The following TTLL11 variants were observed in gnomAD, a reference collection of about 807,000 sequenced individuals.
TTLL11 encodes tubulin polyglutamylase TTLL11.
Under a neutral mutation model 51.7 loss-of-function variants are expected in TTLL11, and 42 were observed. The ratio of observed to expected loss-of-function variants is 0.81; its 90% CI spans 0.64 to 1.05. The LOEUF is 1.05. Among genes scored for constraint, TTLL11 ranks in the 50% least tolerant of loss-of-function variants. The probability of loss-of-function intolerance (pLI) is 0.00; values close to 1 mark genes in which losing one functional copy is unlikely to be tolerated. For synonymous variants in TTLL11, 381 were observed against 383.5 expected (o/e 0.99, Z 0.08); for missense variants, 799 against 940.4 (o/e 0.85, Z 1.97).
chr9:122,029,083 G>A (rs898344572), intron 3 of TTLL11, among the ~76,000 whole-genome samples: 3 of 152,158 alleles, frequency 2.0e-5, no homozygotes, highest in African/African-American at 7.2e-5. Flanking sequence ...GTAGCACAGT[G>A]CATTACTCAT....
At chr9:121,871,654 T>C (rs1838361749) in intron 6 of TTLL11, among the ~76,000 whole-genome samples, 1 of 152,202 alleles carries the variant, frequency 6.6e-6, no homozygotes, top group Non-Finnish European at 1.5e-5. Flanking sequence ...AGTCACTTAC[T>C]TGCTAAAACC....
intron 1 of TTLL11, among the ~76,000 whole-genome samples, chr9:122,052,294 A>G (rs1006243329): frequency 1.3e-5 from 2 of 152,054 alleles, no homozygotes; most frequent in Non-Finnish European, 2.9e-5. Context: ...TTCCAGGCTC[A>G]CTCTTGCCTA....
intron 6 of TTLL11, among the ~76,000 whole-genome samples, chr9:121,909,703 AT>A (rs1329489708): frequency 3.9e-5 from 6 of 152,196 alleles, no homozygotes; most frequent in African/African-American, 1.4e-4. Flanking sequence ...TGGTGGAGGC[AT>A]CATGCACACA....
intron 6 of TTLL11, among the ~76,000 whole-genome samples, chr9:121,947,768 G>C (rs1471631636): frequency 6.6e-6 from 1 of 152,144 alleles, no homozygotes; most frequent in Non-Finnish European, 1.5e-5. Context: ...AGAATAACAA[G>C]AGAGACTAAC....
chr9:121,893,152 T>A (rs993234674), intron 6 of TTLL11, among the ~76,000 whole-genome samples: 48 of 152,210 alleles, frequency 3.2e-4, no homozygotes, highest in Admixed American at 6.6e-5. Context: ...TGCCTTTAAG[T>A]TTATTTCCTA....
intron 6 of TTLL11, among the ~76,000 whole-genome samples, chr9:121,873,640 C>T (rs115278467): frequency 6.7e-5 from 3 of 44,656 alleles, no homozygotes; most frequent in African/African-American, 1.9e-4. Flanking sequence ...CCTCCTCCTC[C>T]TCTCTTCTTC....
chr9:121,942,463 G>A (rs1241250396), intron 6 of TTLL11, among the ~76,000 whole-genome samples: 2 of 152,180 alleles, frequency 1.3e-5, no homozygotes, highest in African/African-American at 2.4e-5. Context: ...GTTTGAAAGC[G>A]GGGACCTCGC....
At chr9:121,978,892 A>G (rs936222724) in intron 4 of TTLL11, among the ~76,000 whole-genome samples, 1 of 152,132 alleles carries the variant, frequency 6.6e-6, no homozygotes, top group African/African-American at 2.4e-5. Flanking sequence ...AGCGTATCCA[A>G]ACTCACTCTG....
chr9:121,934,163 G>A (rs1037982627), intron 6 of TTLL11, among the ~76,000 whole-genome samples: 1 of 151,986 alleles, frequency 6.6e-6, no homozygotes, highest in African/African-American at 2.4e-5. Flanking sequence ...AACCCGGGAG[G>A]TGGAGGTTAT....
intron 6 of TTLL11, among the ~76,000 whole-genome samples, chr9:121,919,090 A>G (rs868374926): frequency 2.0e-5 from 3 of 152,236 alleles, no homozygotes; most frequent in Non-Finnish European, 2.9e-5. Context: ...TGAATTATGC[A>G]CTATGAATAG....
chr9:121,822,809 A>T lies in TTLL11; in HGVS notation c.1911T>A (p.Leu637=). ...CAATCAGTGAGGCCACCTGCTCATGAAGTGGCAGCATCTTGAACTTCCTCT... is the reference window on the plus strand; with the variant it reads ...CAATCAGTGAGGCCACCTGCTCATGTAGTGGCAGCATCTTGAACTTCCTCT... The part of the protein sequence containing the change: ...LAQRKFKMLP[L]HEQVASLIDL... Residue 637 remains leucine, a synonymous_variant, in exon 9 of 9, where the codon CTT becomes CTA. Transcript: ENST00000321582. The surrounding 1 kb of genome is among the most constrained non-coding windows in gnomAD (Gnocchi z 5.8). The T allele has an allele frequency of 6.4e-7, 1 of 1,551,696 alleles. No homozygotes were observed. The highest frequency in any genetic ancestry group is 8.7e-7 in the Non-Finnish European group (1 of 1,146,982).
chr9:121,896,011 T>C (rs1318002680), intron 6 of TTLL11, among the ~76,000 whole-genome samples: 1 of 137,752 alleles, frequency 7.3e-6, no homozygotes, highest in Non-Finnish European at 1.6e-5. Flanking sequence ...TGTGTATGTG[T>C]GGTTGTGTGT....
intron 3 of TTLL11, among the ~76,000 whole-genome samples, chr9:121,994,393 T>G (rs371673399): frequency 1.3e-5 from 2 of 152,286 alleles, no homozygotes; most frequent in African/African-American, 4.8e-5. Flanking sequence ...AATAATAACA[T>G]TAGCACACGC....
At position 121,816,646 on chromosome 9, in the gene TTLL11, A is replaced by ATGCGTGTGTGTGCATGTG. The variant is rs111242748; in HGVS notation, c.*5923_*5940dup. ...GTGCATGTGTGGTGTGTGCGCGCAC[A>ATGCGTGTGTGTGCATGTG]TGCGTGTGTGTGCATGTGTGCGTGT... is the stretch of plus-strand genomic sequence containing the variant. On this transcript the variant is annotated 3_prime_UTR_variant, in exon 9 of 9. Coordinates refer to ENST00000321582, the MANE Select transcript of TTLL11 (RefSeq NM_001139442.2). The ATGCGTGTGTGTGCATGTG allele has an allele frequency of 6.7e-6, 1 of 149,512 alleles. No individual in the cohort carries two copies. The highest frequency in any genetic ancestry group is 1.5e-5 in the Non-Finnish European group (1 of 67,498). The allele number at this position is 149,512 out of a possible 1,614,324, so 9.3% of individuals were successfully genotyped here.
chr9:121,872,746 G>T (rs1003909993), intron 6 of TTLL11, among the ~76,000 whole-genome samples: 1 of 152,194 alleles, frequency 6.6e-6, no homozygotes, highest in Non-Finnish European at 1.5e-5. Flanking sequence ...CAGGCAGAGG[G>T]CAGAAGCAGA....
chr9:121,838,781 A>AAGCAAGCAAGC (rs1837259775), intron 8 of TTLL11, among the ~76,000 whole-genome samples: 78 of 140,002 alleles, frequency 5.6e-4, no homozygotes, highest in East Asian at 3.7e-3. Context: ...AGCAAGCAAG[A>AAGCAAGCAAGC]AAGCAAGCAA....
At chr9:121,916,452 T>C (rs1840331214) in intron 6 of TTLL11, among the ~76,000 whole-genome samples, 1 of 152,152 alleles carries the variant, frequency 6.6e-6, no homozygotes, top group South Asian at 2.1e-4. Context: ...CTATAGACTT[T>C]AGAAATTGTT....
chr9:121,983,609 T>C (rs1842871918), intron 4 of TTLL11, among the ~76,000 whole-genome samples: 1 of 152,156 alleles, frequency 6.6e-6, no homozygotes, highest in East Asian at 1.9e-4. Context: ...TTCTATCATA[T>C]TCTGCTTGGC....
At chr9:121,888,713 G>T (rs1012398472) in intron 6 of TTLL11, among the ~76,000 whole-genome samples, 1 of 152,214 alleles carries the variant, frequency 6.6e-6, no homozygotes, top group African/African-American at 2.4e-5. Flanking sequence ...TGCTATTTCT[G>T]CCTATAAAAT....
Sources: gnomAD v4.1 joint callset for allele counts (sites outside exome capture counted in the v4.1 genomes callset) on GRCh38, gnomAD v4.1.1 for gene constraint, Gnocchi (gnomAD v3.1) non-coding constraint, MANE v1.5 for transcripts, NCBI Gene and HGNC (gene_info 2026-07-23, HGNC 2026-07-21) for gene names.